The following UNC13C variants were observed in gnomAD, a reference collection of about 807,000 sequenced individuals.
UNC13C encodes the protein unc-13 homolog C.
UNC13C carries 174 observed loss-of-function variants against 245.4 expected under a neutral mutation model. That is an observed-to-expected ratio of 0.71 (90% CI 0.63 to 0.80). The LOEUF (loss-of-function observed/expected upper bound fraction) is 0.80. UNC13C is among the 30% of genes least tolerant of loss of function. UNC13C has a pLI of 0.00. For synonymous variants in UNC13C, 992 were observed against 895.1 expected (o/e 1.11, Z -1.93); for missense variants, 2,829 against 2,602.9 (o/e 1.09, Z -1.89).
chr15:54,293,041 G>C (rs1028108794), intron 10 of UNC13C, among the ~76,000 whole-genome samples: 1 of 151,284 alleles, frequency 6.6e-6, no homozygotes, highest in Non-Finnish European at 1.5e-5. Flanking sequence ...TTTAATCCAA[G>C]TTCAAGAATG....
chr15:53,840,079 C>T, the UNC13C span, among the ~76,000 whole-genome samples: 31 of 152,140 alleles, frequency 2.0e-4, no homozygotes. Flanking sequence ...GAAAGAGCAG[C>T]TTCTCCAACT....
intron 10 of UNC13C, among the ~76,000 whole-genome samples, chr15:54,278,076 C>T (rs1193124610): frequency 6.6e-6 from 1 of 152,114 alleles, no homozygotes. Flanking sequence ...TGTCAATGCT[C>T]TCTACCGACC....
rs776330776 is a variant in UNC13C at position 54,414,876 on chromosome 15, T to A, written c.4848-106T>A. ...AGAGAAATGTCATAAATAAAAGTAT[T>A]TATGAACTATGTAATAACTACTGTG... On this transcript the variant is annotated intron_variant, in intron 18 of 32. Transcript: ENST00000260323. The A allele has an allele frequency of 3.2e-5, 19 of 596,732 alleles. 1 individual carries two copies. The Middle Eastern group carries it at 1.8e-3, about 57-fold the overall frequency. 37.0% of individuals were successfully genotyped at this position (596,732 alleles called of 1,614,324 possible).
chr15:54,190,867 G>T (rs1366571573), intron 4 of UNC13C, among the ~76,000 whole-genome samples: 1 of 151,692 alleles, frequency 6.6e-6, no homozygotes, highest in East Asian at 1.9e-4. Flanking sequence ...AATCTGTTTT[G>T]TTCTCTAGTC....
rs143795177 is a variant in UNC13C at position 54,617,384 on chromosome 15, G to T, written c.6107-4943G>T. On this transcript the variant is annotated intron_variant, in intron 30 of 32. Coordinates refer to ENST00000260323, the MANE Select transcript of UNC13C (RefSeq NM_001080534.3). ...GGAGGGGCAGGGAGGAGGGATATGG[G>T]GAGAAGCTGTTCAATGAGCATCAGA... Among the ~76,000 whole-genome samples, 77 of 152,110 alleles carry T rather than the reference G, an allele frequency of 5.1e-4. No individual in the cohort carries two copies. In the East Asian group the frequency reaches 0.013, roughly 26 times the overall value.
intron 18 of UNC13C, among the ~76,000 whole-genome samples, chr15:54,400,499 C>T (rs959295621): frequency 6.6e-6 from 1 of 152,094 alleles, no homozygotes; most frequent in Non-Finnish European, 1.5e-5. Flanking sequence ...ATAGTCATTA[C>T]TCTCCATAGC....
Position 54,110,637 on chromosome 15 carries a change from A to G in UNC13C, c.2984-32381A>G, listed in dbSNP as rs573071088. Among the ~76,000 whole-genome samples the G allele has an allele frequency of 5.9e-5, 9 of 152,368 alleles. No homozygotes were observed. In the South Asian group the frequency reaches 1.2e-3, roughly 21 times the overall value. Reference sequence around the variant, plus strand: ...ATTTGAACATTATAGCTCTAGCTATATGATGTCTTTTTGAGAAAATTAATT... The same window carrying G: ...ATTTGAACATTATAGCTCTAGCTATGTGATGTCTTTTTGAGAAAATTAATT... On this transcript the variant is annotated intron_variant, in intron 2 of 32. Coordinates refer to ENST00000260323, the MANE Select transcript of UNC13C (RefSeq NM_001080534.3).
rs147354387 is a variant in UNC13C at position 54,550,412 on chromosome 15, T to C, written c.5877+721T>C. On this transcript the variant is annotated intron_variant, in intron 28 of 32. Transcript: ENST00000260323. Reference sequence around the variant, plus strand: ...TAAATGAGACAAGACATACATTATCTTTGCTTGGTAACTGCAAAGTGTATG... The same window carrying C: ...TAAATGAGACAAGACATACATTATCCTTGCTTGGTAACTGCAAAGTGTATG... Among the ~76,000 whole-genome samples the C allele has an allele frequency of 7.6e-3, 1,160 of 152,236 alleles. 17 individuals carry two copies. The highest frequency in any genetic ancestry group is 0.027 in the African/African-American group (1,106 of 41,546).
chr15:54,093,115 C>T (rs573663948), intron 2 of UNC13C, among the ~76,000 whole-genome samples: 70 of 151,820 alleles, frequency 4.6e-4, no homozygotes, highest in Non-Finnish European at 9.0e-4. Flanking sequence ...GCTTATAAGT[C>T]CTACTTCAGC....
intron 19 of UNC13C, among the ~76,000 whole-genome samples, chr15:54,477,884 G>C (rs1892860566): frequency 6.7e-6 from 1 of 149,148 alleles, no homozygotes; most frequent in Non-Finnish European, 1.5e-5. Flanking sequence ...AGAAGGAATG[G>C]TACCAGTTCC....
chr15:54,046,208 A>C (rs1897029360), intron 2 of UNC13C, among the ~76,000 whole-genome samples: 1 of 152,214 alleles, frequency 6.6e-6, no homozygotes, highest in Admixed American at 6.5e-5. Context: ...ACTTACCACA[A>C]CAATGAATAG....
intron 10 of UNC13C, among the ~76,000 whole-genome samples, chr15:54,283,383 A>T (rs1398860289): frequency 6.6e-6 from 1 of 152,170 alleles, no homozygotes; most frequent in African/African-American, 2.4e-5. Context: ...AATCATTATA[A>T]TCCCTACATT....
intron 17 of UNC13C, among the ~76,000 whole-genome samples, chr15:54,385,514 G>A (rs540958098): frequency 6.7e-6 from 1 of 149,826 alleles, no homozygotes; most frequent in East Asian, 2.0e-4. Flanking sequence ...ATAGAGAATA[G>A]AATGATAGAT....
chr15:54,551,763 GTTT>G (rs1450206981), intron 28 of UNC13C, among the ~76,000 whole-genome samples: 1 of 151,706 alleles, frequency 6.6e-6, no homozygotes, highest in African/African-American at 2.4e-5. Context: ...TGGCTTTTGA[GTTT>G]TTTATTTTTA....
intron 25 of UNC13C, 109 bp downstream of exon 25, chr15:54,525,746 A>C: frequency 3.4e-6 from 3 of 869,606 alleles, no homozygotes; most frequent in Non-Finnish European, 5.5e-6. Flanking sequence ...CTTAACTTCA[A>C]GACCCAATCT....
At chr15:54,261,726 A>G (rs2036431482) in intron 8 of UNC13C, among the ~76,000 whole-genome samples, 1 of 152,070 alleles carries the variant, frequency 6.6e-6, no homozygotes, top group African/African-American at 2.4e-5. Flanking sequence ...TTGTATTTTT[A>G]GTAGAGACAG....
At chr15:54,074,310 A>G (rs1248469717) in intron 2 of UNC13C, among the ~76,000 whole-genome samples, 12 of 152,248 alleles carry the variant, frequency 7.9e-5, no homozygotes, top group African/African-American at 2.6e-4. Flanking sequence ...GTCAGTTAGC[A>G]TGATGCCTCT....
chr15:54,056,651 A>G (rs1035660327), intron 2 of UNC13C, among the ~76,000 whole-genome samples: 2 of 152,162 alleles, frequency 1.3e-5, no homozygotes, highest in Non-Finnish European at 2.9e-5. Flanking sequence ...TCCAAGACAC[A>G]TAATTGTCAG....
At chr15:54,430,949 G>A (rs951951683) in intron 19 of UNC13C, among the ~76,000 whole-genome samples, 1 of 151,682 alleles carries the variant, frequency 6.6e-6, no homozygotes, top group Non-Finnish European at 1.5e-5. Context: ...CAGATGTCAT[G>A]AACCATGTTG....
Sources: gnomAD v4.1 joint callset for allele counts (sites outside exome capture counted in the v4.1 genomes callset) on GRCh38, gnomAD v4.1.1 for gene constraint, MANE v1.5 for transcripts, NCBI Gene and HGNC (gene_info 2026-07-23, HGNC 2026-07-21) for gene names.